PLCB4: variants seen among roughly 807,000 people sequenced by gnomAD.
PLCB4 encodes the protein phospholipase C beta 4, also known as 1-phosphatidylinositol 4,5-bisphosphate phosphodiesterase beta-4.
PLCB4 carries 77 observed loss-of-function variants against 178.8 expected under a neutral mutation model. The ratio of observed to expected loss-of-function variants is 0.43; its 90% CI spans 0.36 to 0.52. The LOEUF (loss-of-function observed/expected upper bound fraction) is 0.52. Ranked by LOEUF, PLCB4 falls within the 20% of genes least tolerant of loss-of-function variation. The probability of loss-of-function intolerance (pLI) is 0.00; values close to 1 mark genes in which losing one functional copy is unlikely to be tolerated. For missense variants in PLCB4, 1,024 were observed against 1,453.4 expected (o/e 0.70, Z 4.80); for synonymous variants, 496 against 490.8 (o/e 1.01, Z -0.14).
intron 2 of PLCB4, among the ~76,000 whole-genome samples, chr20:9,165,975 A>G (rs917502569): frequency 2.0e-5 from 3 of 152,248 alleles, no homozygotes; most frequent in African/African-American, 4.8e-5. Context: ...TTTTCTTTAT[A>G]TCAGTGCTAC....
chr20:9,223,155 G>A (rs990797440), intron 3 of PLCB4, among the ~76,000 whole-genome samples: 3 of 152,152 alleles, frequency 2.0e-5, no homozygotes, highest in Non-Finnish European at 2.9e-5. Context: ...TATGTATATC[G>A]TGTGTTTTGG....
intron 3 of PLCB4, among the ~76,000 whole-genome samples, chr20:9,304,729 G>A (rs2094745378): frequency 6.6e-6 from 1 of 151,746 alleles, no homozygotes; most frequent in South Asian, 2.1e-4. Flanking sequence ...GGCAGTTAAT[G>A]TGATGTATTA....
intron 2 of PLCB4, among the ~76,000 whole-genome samples, chr20:9,105,591 G>A (rs1270077004): frequency 6.6e-6 from 1 of 152,006 alleles, no homozygotes; most frequent in African/African-American, 2.4e-5. Flanking sequence ...AATGATGATT[G>A]AACAATGGTA....
rs77095487 is a variant in PLCB4, at chr20:9,372,502, G to A, written c.686+99G>A. 1,921 of 593,016 alleles carry A rather than the reference G, an allele frequency of 3.2e-3. 32 individuals are homozygous for A. The highest frequency in any genetic ancestry group is 0.032 in the African/African-American group (1,688 of 52,230). 36.7% of individuals were successfully genotyped at this position (593,016 alleles called of 1,614,324 possible). A position where few individuals can be genotyped will look rare whatever the true frequency, so the allele number is the denominator to read the frequency against. ...CCTATTTTAATAGAGTATGTTGGTA[G>A]CATCTAGGAATATCTAGTCAGGGTT... On this transcript the variant is annotated intron_variant, in intron 11 of 39. Coordinates refer to ENST00000378473, the MANE Select transcript of PLCB4 (RefSeq NM_001377142.1).
intron 3 of PLCB4, among the ~76,000 whole-genome samples, chr20:9,307,500 C>T (rs200058879): frequency 0.21 from 10,246 of 48,512 alleles, 536 homozygotes; most frequent in East Asian, 0.27. Context: ...AGAATACACA[C>T]ACACACACAC....
At chr20:9,404,699 C>T (rs1444483085) in intron 20 of PLCB4, among the ~76,000 whole-genome samples, 2 of 151,888 alleles carry the variant, frequency 1.3e-5, no homozygotes, top group African/African-American at 4.8e-5. Context: ...ATACCATTGG[C>T]TTAAACAACT....
chr20:9,473,672 C>T (rs1225070658), intron 38 of PLCB4, among the ~76,000 whole-genome samples: 3 of 152,108 alleles, frequency 2.0e-5, no homozygotes, highest in Non-Finnish European at 4.4e-5. Context: ...AAGTATTTCT[C>T]CATTTTCATT....
chr20:9,246,718 T>TA (rs1601416428), intron 3 of PLCB4, among the ~76,000 whole-genome samples: 2 of 152,186 alleles, frequency 1.3e-5, no homozygotes, highest in East Asian at 3.9e-4. Flanking sequence ...AAGGGAAACA[T>TA]ACTTATAATT....
At chr20:9,312,424 G>T (rs1186791337) in intron 4 of PLCB4, among the ~76,000 whole-genome samples, 3 of 150,806 alleles carry the variant, frequency 2.0e-5, no homozygotes, top group Non-Finnish European at 4.4e-5. Flanking sequence ...ACGTGGTGGA[G>T]GAAAACTGAG....
chr20:9,153,270 G>T (rs940782472), intron 2 of PLCB4, among the ~76,000 whole-genome samples: 2 of 152,070 alleles, frequency 1.3e-5, no homozygotes, highest in African/African-American at 4.8e-5. Context: ...GATTTGGAGG[G>T]GCCAAGGGTG....
At chr20:9,372,249 C>T (rs1602179698) in intron 10 of PLCB4, 54 bp from the exon 11 acceptor site, 1 of 1,003,664 alleles carries the variant, frequency 1.0e-6, no homozygotes, top group Non-Finnish European at 1.6e-6. Context: ...TAGCTTCTCA[C>T]CCTCCAAGGG....
At chr20:9,467,068 G>A (rs889342201) in intron 35 of PLCB4, among the ~76,000 whole-genome samples, 6 of 152,142 alleles carry the variant, frequency 3.9e-5, no homozygotes, top group African/African-American at 9.7e-5. Flanking sequence ...AAAAAATGTG[G>A]CACATATACA....
intron 2 of PLCB4, among the ~76,000 whole-genome samples, chr20:9,122,706 G>C (rs1247846306): frequency 6.6e-6 from 1 of 152,154 alleles, no homozygotes; most frequent in Non-Finnish European, 1.5e-5. Context: ...AATTTTACTT[G>C]CCTCAGTGTT....
intron 32 of PLCB4, among the ~76,000 whole-genome samples, chr20:9,449,979 T>C (rs2042652700): frequency 6.6e-6 from 1 of 152,158 alleles, no homozygotes; most frequent in South Asian, 2.1e-4. Flanking sequence ...CCCTCTGTGG[T>C]GCGATCATTC....
intron 2 of PLCB4, among the ~76,000 whole-genome samples, chr20:9,171,191 T>A (rs1480151319): frequency 6.6e-6 from 1 of 152,184 alleles, no homozygotes; most frequent in Non-Finnish European, 1.5e-5. Flanking sequence ...CTGTAAGAAA[T>A]CCACATTGTA....
chr20:9,449,624 T>G (rs2042630551), intron 32 of PLCB4, among the ~76,000 whole-genome samples: 1 of 152,144 alleles, frequency 6.6e-6, no homozygotes, highest in South Asian at 2.1e-4. Flanking sequence ...AATCCAAAAC[T>G]AAAAACTACA....
At chr20:9,473,113 T>G (rs1281911632) in intron 37 of PLCB4, among the ~76,000 whole-genome samples, 166 bp from the exon 38 acceptor site, 1 of 152,194 alleles carries the variant, frequency 6.6e-6, no homozygotes, top group African/African-American at 2.4e-5. Context: ...AGGAAAGATC[T>G]TCCCAGAAAT....
chr20:9,198,565 C>T (rs183249866), intron 2 of PLCB4, among the ~76,000 whole-genome samples: 83 of 152,228 alleles, frequency 5.5e-4, no homozygotes, highest in African/African-American at 1.9e-3. Context: ...TAAATAAGGT[C>T]AAAATGATTT....
intron 2 of PLCB4, among the ~76,000 whole-genome samples, chr20:9,137,031 G>A (rs2092398320): frequency 6.6e-6 from 1 of 152,078 alleles, no homozygotes; most frequent in Admixed American, 6.6e-5. Flanking sequence ...CCAACATGCT[G>A]TTGGTTGACT....
Sources: allele counts gnomAD v4.1 joint callset (sites outside exome capture counted in the v4.1 genomes callset), GRCh38; gene constraint gnomAD v4.1.1; transcripts MANE v1.5; gene names NCBI Gene and HGNC (gene_info 2026-07-23, HGNC 2026-07-21).